Variants in ZNF385D observed in about 807,000 individuals in gnomAD.
ZNF385D encodes the protein zinc finger protein 659.
Under a neutral mutation model 35.8 loss-of-function variants are expected in ZNF385D, and 15 were observed. That is an observed-to-expected ratio of 0.42 (90% CI 0.28 to 0.64). The LOEUF is 0.64. ZNF385D is among the 30% of genes least tolerant of loss of function. The pLI, the probability that ZNF385D is intolerant of heterozygous loss-of-function variation, is 0.23. For missense variants in ZNF385D, 474 were observed against 494.6 expected, an observed-to-expected ratio of 0.96 and a Z score of 0.39; for synonymous variants, 212 against 186.8, an observed-to-expected ratio of 1.13 and a Z score of -1.10.
chr3:22,180,313 T>G (rs1275373007), intron 2 of ZNF385D, among the ~76,000 whole-genome samples: 1 of 151,980 alleles, frequency 6.6e-6, no homozygotes, highest in Non-Finnish European at 1.5e-5. Flanking sequence ...TAACCAAACA[T>G]GTACAGGACA....
intron 3 of ZNF385D, among the ~76,000 whole-genome samples, chr3:21,919,745 G>C (rs1318599390): frequency 6.6e-6 from 1 of 152,168 alleles, no homozygotes; most frequent in Non-Finnish European, 1.5e-5. Context: ...GCATTCTTCA[G>C]AACACACTTA....
intron 2 of ZNF385D, among the ~76,000 whole-genome samples, chr3:21,647,729 C>A (rs1041172684): frequency 3.3e-5 from 5 of 152,100 alleles, no homozygotes; most frequent in Non-Finnish European, 7.4e-5. Flanking sequence ...TAAAGCACAT[C>A]ACTTTTCATT....
At chr3:22,167,075 G>A (rs1404741236) in intron 3 of ZNF385D, among the ~76,000 whole-genome samples, 1 of 152,158 alleles carries the variant, frequency 6.6e-6, no homozygotes, top group East Asian at 1.9e-4. Flanking sequence ...GGCAGATAGG[G>A]GCAGGCCCCT....
At chr3:22,085,474 A>G (rs1197667663) in intron 3 of ZNF385D, among the ~76,000 whole-genome samples, 1 of 152,222 alleles carries the variant, frequency 6.6e-6, no homozygotes, top group African/African-American at 2.4e-5. Flanking sequence ...TAGAAAATCT[A>G]GAAGAAATGG....
chr3:21,610,142 A>C (rs1487213596), intron 2 of ZNF385D, among the ~76,000 whole-genome samples: 1 of 97,892 alleles, frequency 1.0e-5, no homozygotes, highest in Non-Finnish European at 1.9e-5. Context: ...AGTCGCATCT[A>C]CCAAAAAAAA....
At chr3:22,084,548 C>G (rs924824163) in intron 3 of ZNF385D, among the ~76,000 whole-genome samples, 3 of 152,162 alleles carry the variant, frequency 2.0e-5, no homozygotes, top group Non-Finnish European at 4.4e-5. Context: ...TATATATGCA[C>G]CCAATACAGG....
chr3:21,679,317 T>C (rs188203261), intron 1 of ZNF385D, among the ~76,000 whole-genome samples: 2 of 152,180 alleles, frequency 1.3e-5, no homozygotes, highest in East Asian at 3.9e-4. Flanking sequence ...ATGGAATATA[T>C]TTTATTAAAT....
chr3:21,569,922 A>AGGGGGGGGGGGGG (rs1575210384), intron 2 of ZNF385D, among the ~76,000 whole-genome samples: 45 of 115,224 alleles, frequency 3.9e-4, no homozygotes, highest in African/African-American at 4.9e-4. Flanking sequence ...GTGGGGGGGC[A>AGGGGGGGGGGGGG]GGGAGGGATA....
intron 3 of ZNF385D, among the ~76,000 whole-genome samples, chr3:21,555,106 C>G (rs2062686873): frequency 1.3e-5 from 2 of 152,126 alleles, no homozygotes; most frequent in Admixed American, 1.3e-4. Flanking sequence ...TTCAGCCTAA[C>G]TCTTCTTTTG....
chr3:22,313,642 C>T (rs1703717862), intron 2 of ZNF385D, among the ~76,000 whole-genome samples: 1 of 152,016 alleles, frequency 6.6e-6, no homozygotes, highest in African/African-American at 2.4e-5. Flanking sequence ...GTGTATAATT[C>T]ATAATAACCC....
rs568576716 is a variant in ZNF385D, at chr3:21,531,071, A to T, written c.277-20048T>A. Among the ~76,000 whole-genome samples, 284 of 152,338 alleles carry T rather than the reference A, an allele frequency of 1.9e-3. 1 individual carries two copies. The highest frequency in any genetic ancestry group is 6.7e-3 in the African/African-American group (278 of 41,582). ...ATTAAGTTCATAATACATGATAGCT[A>T]TAGATATTACTGCCCAGGAATCTGT... is the stretch of plus-strand genomic sequence containing the variant. On this transcript the variant is annotated intron_variant, in intron 3 of 7. Coordinates refer to ENST00000281523, the MANE Select transcript of ZNF385D (RefSeq NM_024697.3).
At chr3:22,316,670 T>C (rs967552305) in intron 2 of ZNF385D, among the ~76,000 whole-genome samples, 1 of 152,212 alleles carries the variant, frequency 6.6e-6, no homozygotes, top group Non-Finnish European at 1.5e-5. Context: ...AGCTTGATCA[T>C]CTATTAATGG....
At chr3:21,593,525 T>G (rs1335958329) in intron 2 of ZNF385D, among the ~76,000 whole-genome samples, 1 of 152,132 alleles carries the variant, frequency 6.6e-6, no homozygotes, top group Non-Finnish European at 1.5e-5. Flanking sequence ...GGCAGAGAAG[T>G]AAATAAAAGC....
chr3:22,261,736 C>T (rs1324499717), intron 2 of ZNF385D, among the ~76,000 whole-genome samples: 1 of 151,918 alleles, frequency 6.6e-6, no homozygotes, highest in African/African-American at 2.4e-5. Context: ...TCCAGGTTGT[C>T]GTGTTCCTCT....
chr3:21,821,863 G>C (rs1030958174), intron 3 of ZNF385D, among the ~76,000 whole-genome samples: 6 of 151,440 alleles, frequency 4.0e-5, no homozygotes, highest in African/African-American at 1.5e-4. Context: ...GTACTCGGGA[G>C]GCTGAGACAG....
chr3:21,977,449 A>C (rs535982101), intron 3 of ZNF385D, among the ~76,000 whole-genome samples: 24 of 152,264 alleles, frequency 1.6e-4, no homozygotes, highest in African/African-American at 5.8e-4. Flanking sequence ...ACAAAGAATT[A>C]ATCAAGGGAG....
chr3:21,453,012 T>C (rs71310257), intron 4 of ZNF385D, among the ~76,000 whole-genome samples: 4,440 of 151,970 alleles, frequency 0.029, 97 homozygotes, highest in Non-Finnish European at 0.046. Flanking sequence ...CAGTGTGGCA[T>C]AAGAATAGAC....
chr3:21,557,511 A>T (rs2062784168), intron 3 of ZNF385D, among the ~76,000 whole-genome samples: 1 of 152,180 alleles, frequency 6.6e-6, no homozygotes, highest in African/African-American at 2.4e-5. Context: ...CCAGGGATGA[A>T]GCTGACTTGA....
chr3:22,003,333 C>CA (rs1213819882), intron 3 of ZNF385D, among the ~76,000 whole-genome samples: 1 of 151,708 alleles, frequency 6.6e-6, no homozygotes, highest in African/African-American at 2.4e-5. Flanking sequence ...ACAATAGCTG[C>CA]AAAAAAAGCA....
Sources: gnomAD v4.1 joint callset for allele counts (sites outside exome capture counted in the v4.1 genomes callset) on GRCh38, gnomAD v4.1.1 for gene constraint, MANE v1.5 for transcripts, NCBI Gene and HGNC (gene_info 2026-07-23, HGNC 2026-07-21) for gene names.